The following PBX1 variants were observed in gnomAD, a reference collection of about 807,000 sequenced individuals.
The protein encoded by PBX1 is PBX homeobox 1.
A neutral mutation model predicts 53.4 loss-of-function variants in PBX1; 6 were observed. That is an observed-to-expected ratio of 0.11 (90% CI 0.06 to 0.22). The LOEUF (loss-of-function observed/expected upper bound fraction) is 0.22, where lower values mean the gene tolerates loss of function less well. Among genes scored for constraint, PBX1 ranks in the 10% least tolerant of loss-of-function variants. The probability of loss-of-function intolerance (pLI) is 1.00; values close to 1 mark genes in which losing one functional copy is unlikely to be tolerated. For missense variants in PBX1, 251 were observed against 551.4 expected, an observed-to-expected ratio of 0.46 and a Z score of 5.46; for synonymous variants, 204 against 212.3, an observed-to-expected ratio of 0.96 and a Z score of 0.34.
intron 2 of PBX1, chr1:164,674,669 A>G (rs1208685712): frequency 1.3e-5 from 2 of 152,200 alleles, no homozygotes; most frequent in African/African-American, 4.8e-5. Context: ...AAAAGCTGCC[A>G]GAGTTTAGAA....
chr1:164,750,400 A>G (rs935671134), intron 2 of PBX1, among the ~76,000 whole-genome samples: 1 of 152,144 alleles, frequency 6.6e-6, no homozygotes, highest in African/African-American at 2.4e-5. Flanking sequence ...CAGCTGCTTT[A>G]TCTTTACTCT....
intron 2 of PBX1, among the ~76,000 whole-genome samples, chr1:164,604,000 G>A (rs1656384471): frequency 7.8e-6 from 1 of 128,488 alleles, no homozygotes; most frequent in African/African-American, 3.0e-5. Flanking sequence ...GAGTGCAGTG[G>A]CACGATCACG....
At chr1:164,865,232 C>G (rs1231789434) in intron 2 of PBX1, among the ~76,000 whole-genome samples, 2 of 152,154 alleles carry the variant, frequency 1.3e-5, no homozygotes, top group Non-Finnish European at 2.9e-5. Flanking sequence ...GGCTCATAGC[C>G]AGTTCTCATT....
At chr1:164,879,325 G>C (rs545682491) in intron 2 of PBX1, among the ~76,000 whole-genome samples, 2 of 152,288 alleles carry the variant, frequency 1.3e-5, no homozygotes, top group South Asian at 2.1e-4. Flanking sequence ...AATTTCAGTG[G>C]TGAGAAAGGC....
chr1:164,824,197 C>G (rs994648847), intron 8 of PBX1, among the ~76,000 whole-genome samples: 2 of 152,188 alleles, frequency 1.3e-5, no homozygotes, highest in African/African-American at 4.8e-5. Context: ...GCACCCATAT[C>G]TTATCCAAGC....
intron 2 of PBX1, among the ~76,000 whole-genome samples, chr1:164,621,546 C>T (rs1657679577): frequency 6.6e-6 from 1 of 152,148 alleles, no homozygotes; most frequent in Non-Finnish European, 1.5e-5. Flanking sequence ...GCTCTGCAGT[C>T]TTAGGCTGGC....
chr1:164,563,172 C>T lies in PBX1; in HGVS notation c.192-66C>T, dbSNP rs1653184573. The T allele has an allele frequency of 4.0e-5, 43 of 1,070,068 alleles. No individual in the cohort carries two copies. The South Asian group carries it at 5.0e-4, about 12-fold the overall frequency. 66.3% of individuals were successfully genotyped at this position (1,070,068 alleles called of 1,614,324 possible). A position where few individuals can be genotyped will look rare whatever the true frequency, so the allele number is the denominator to read the frequency against. On this transcript the variant is annotated intron_variant, in intron 1 of 8. Coordinates refer to ENST00000420696, the MANE Select transcript of PBX1 (RefSeq NM_002585.4). ...GTCTAAATGTTCAAATGTTTTCACC[C>T]TGTGCATTATCGGCAGTTTGATCTT...
intron 6 of PBX1, chr1:164,814,214 C>G (rs556796956): frequency 6.6e-6 from 1 of 152,272 alleles, no homozygotes; most frequent in Non-Finnish European, 1.5e-5. Flanking sequence ...TTAAAATGTT[C>G]AAACTTTTCA....
intron 2 of PBX1, among the ~76,000 whole-genome samples, chr1:164,564,585 A>G (rs1653298180): frequency 6.6e-6 from 1 of 152,176 alleles, no homozygotes; most frequent in Non-Finnish European, 1.5e-5. Flanking sequence ...TGTGCATAAC[A>G]TTCTAGACAA....
chr1:164,871,677 C>T (rs1448884910), intron 2 of PBX1, among the ~76,000 whole-genome samples: 1 of 152,064 alleles, frequency 6.6e-6, no homozygotes, highest in Non-Finnish European at 1.5e-5. Context: ...ATCTGCATCC[C>T]CTGGGAACCT....
At chr1:164,640,069 G>A (rs1298408412) in intron 2 of PBX1, among the ~76,000 whole-genome samples, 4 of 152,108 alleles carry the variant, frequency 2.6e-5, no homozygotes, top group Non-Finnish European at 4.4e-5. Flanking sequence ...CAAGGAGTCT[G>A]AGCGTTCTAG....
In PBX1 at chr1:164,630,727, C is replaced by T. The variant is rs143236512; in HGVS notation, c.265+67416C>T. 2.2e-3 allele frequency among the ~76,000 whole-genome samples: 335 copies of T among 152,296 alleles called. 1 individual carries two copies. The highest frequency in any genetic ancestry group is 7.8e-3 in the African/African-American group (325 of 41,568). On this transcript the variant is annotated intron_variant, in intron 2 of 8. Transcript: ENST00000420696. ...GTGACTAAATTCAGGTCTCTGATTT[C>T]AAAGCCCATACTCTTTCCTCTGAGT...
intron 8 of PBX1, among the ~76,000 whole-genome samples, chr1:164,845,877 C>T (rs1671547549): frequency 6.6e-6 from 1 of 152,132 alleles, no homozygotes. Context: ...CTTTTCAAAA[C>T]TCACCTCAAA....
intron 2 of PBX1, among the ~76,000 whole-genome samples, chr1:164,860,681 C>T (rs1216254785): frequency 6.6e-6 from 1 of 152,132 alleles, no homozygotes; most frequent in Non-Finnish European, 1.5e-5. Context: ...TCTATTTCTC[C>T]TTCCTGAAGT....
chr1:164,864,732 C>T lies in PBX1; in HGVS notation n.257+33249C>T, dbSNP rs578008586. Among the ~76,000 whole-genome samples the T allele has an allele frequency of 2.0e-5, 3 of 152,302 alleles. No individual in the cohort carries two copies. The East Asian group carries it at 5.8e-4, about 29-fold the overall frequency. On this transcript the variant is annotated intron_variant and non_coding_transcript_variant, in intron 2 of 2. Coordinates refer to the PBX1 transcript ENST00000558796. The stretch of plus-strand genomic sequence containing the variant: ...GCTAGAATGGCCAAGTTCCCCTTGG[C>T]AGTACCAGTGACCTTTTCCTGCCTA...
At chr1:164,694,874 A>G (rs963763201) in intron 2 of PBX1, among the ~76,000 whole-genome samples, 7 of 152,160 alleles carry the variant, frequency 4.6e-5, no homozygotes, top group Non-Finnish European at 1.0e-4. Flanking sequence ...GGCACTCACT[A>G]TCTTTCACCC....
chr1:164,792,005 A>G lies in PBX1; in HGVS notation c.266-489A>G, dbSNP rs868485585. 3.4e-4 allele frequency among the ~76,000 whole-genome samples: 52 copies of G among 152,192 alleles called. 1 individual carries two copies. The highest frequency in any genetic ancestry group is 6.8e-3 in the Middle Eastern group (2 of 294). Reference sequence around the variant, plus strand: ...ACGCCTGGCTAATTTTTTGTATTTTAGTAGAGACGGGGTTTCACCATGTTT... The same window carrying G: ...ACGCCTGGCTAATTTTTTGTATTTTGGTAGAGACGGGGTTTCACCATGTTT... On this transcript the variant is annotated intron_variant, in intron 2 of 8. Coordinates refer to ENST00000420696, the MANE Select transcript of PBX1 (RefSeq NM_002585.4).
chr1:164,837,282 C>A (rs377302590), intron 8 of PBX1, among the ~76,000 whole-genome samples: 1 of 152,044 alleles, frequency 6.6e-6, no homozygotes, highest in Non-Finnish European at 1.5e-5. Context: ...AATGAAATGA[C>A]GAATTCAGGG....
intron 4 of PBX1, among the ~76,000 whole-genome samples, chr1:164,806,685 C>T (rs1251489746): frequency 2.0e-5 from 3 of 152,262 alleles, no homozygotes; most frequent in Non-Finnish European, 4.4e-5. Flanking sequence ...AGTTCTTCAT[C>T]GGTAAATACG....
Sources: allele counts gnomAD v4.1 joint callset (sites outside exome capture counted in the v4.1 genomes callset), GRCh38; gene constraint gnomAD v4.1.1; transcripts MANE v1.5; gene names NCBI Gene and HGNC (gene_info 2026-07-23, HGNC 2026-07-21).